The following EDNRA variants were observed in gnomAD, a reference collection of about 807,000 sequenced individuals.
EDNRA encodes endothelin-1 receptor.
Under a neutral mutation model 41.4 loss-of-function variants are expected in EDNRA, and 11 were observed. That is an observed-to-expected ratio of 0.27 (90% CI 0.17 to 0.44). EDNRA has a LOEUF of 0.44. Among genes scored for constraint, EDNRA ranks in the 20% least tolerant of loss-of-function variants. EDNRA has a pLI of 1.00. For synonymous variants in EDNRA, 172 were observed against 183.0 expected (o/e 0.94, Z 0.49); for missense variants, 294 against 531.0 (o/e 0.55, Z 4.39).
At chr4:147,488,720 T>G (rs1729028593) in intron 2 of EDNRA, 2 of 152,212 alleles carry the variant, frequency 1.3e-5, no homozygotes, top group Admixed American at 1.3e-4. Flanking sequence ...TGTCATCCTC[T>G]TCTCTAGGTC....
At chr4:147,505,455 C>T (rs973954792) in intron 2 of EDNRA, among the ~76,000 whole-genome samples, 2 of 148,592 alleles carry the variant, frequency 1.3e-5, no homozygotes, top group Non-Finnish European at 3.0e-5. Flanking sequence ...GTCTCTCCTG[C>T]CTCAGCCTCC....
chr4:147,500,929 G>A (rs1377275630), intron 2 of EDNRA, among the ~76,000 whole-genome samples: 1 of 152,134 alleles, frequency 6.6e-6, no homozygotes, highest in South Asian at 2.1e-4. Flanking sequence ...AAGAACCAGA[G>A]CATTGACCTA....
intron 2 of EDNRA, among the ~76,000 whole-genome samples, chr4:147,505,657 T>G (rs1401630937): frequency 2.7e-5 from 4 of 146,950 alleles, no homozygotes; most frequent in Non-Finnish European, 4.5e-5. Flanking sequence ...TTTTTTTTTT[T>G]TTTTTTTTTT....
At chr4:147,488,335 A>G (rs763384640) in intron 2 of EDNRA, 5 of 152,248 alleles carry the variant, frequency 3.3e-5, no homozygotes, top group African/African-American at 4.8e-5. Context: ...ATGTCTCCAG[A>G]TTTGGTAAAA....
At chr4:147,522,602 A>G (rs1200781147) in intron 3 of EDNRA, among the ~76,000 whole-genome samples, 2 of 152,122 alleles carry the variant, frequency 1.3e-5, no homozygotes, top group African/African-American at 2.4e-5. Flanking sequence ...TCTCCACTTT[A>G]CAGATAGGGA....
At chr4:147,499,448 C>T (rs1729431078) in intron 2 of EDNRA, among the ~76,000 whole-genome samples, 1 of 152,184 alleles carries the variant, frequency 6.6e-6, no homozygotes, top group Admixed American at 6.5e-5. Flanking sequence ...TAGGCTTATT[C>T]CTAAGCTGAC....
chr4:147,540,067 G>C (rs1677445325), intron 6 of EDNRA, 117 bp downstream of exon 6: 5 of 1,411,554 alleles, frequency 3.5e-6, no homozygotes, highest in Non-Finnish European at 3.8e-6. Flanking sequence ...AAACTGCAAA[G>C]TTGATTTTTT....
At chr4:147,531,962 A>G (rs1328455173) in intron 3 of EDNRA, among the ~76,000 whole-genome samples, 1 of 148,110 alleles carries the variant, frequency 6.8e-6, no homozygotes, top group Non-Finnish European at 1.5e-5. Flanking sequence ...GTGAGCTGAG[A>G]TCCTGCCGCT....
chr4:147,508,362 C>G (rs1279052326), intron 2 of EDNRA, among the ~76,000 whole-genome samples: 1 of 152,168 alleles, frequency 6.6e-6, no homozygotes, highest in Non-Finnish European at 1.5e-5. Context: ...TGGTCTCAAA[C>G]CCCTGACCTC....
chr4:147,527,041 G>A (rs1257227658), intron 3 of EDNRA, among the ~76,000 whole-genome samples: 1 of 152,186 alleles, frequency 6.6e-6, no homozygotes, highest in Admixed American at 6.5e-5. Context: ...AAATGATCAA[G>A]TTTGCTGTTA....
At chr4:147,490,403 A>T (rs1165735232) in intron 2 of EDNRA, 2 of 152,194 alleles carry the variant, frequency 1.3e-5, no homozygotes, top group Non-Finnish European at 2.9e-5. Context: ...GCAGTAGAAG[A>T]TTGACAAAAG....
intron 2 of EDNRA, among the ~76,000 whole-genome samples, chr4:147,505,215 AAGAGAGAG>A (rs60042535): frequency 5.2e-5 from 7 of 134,588 alleles, no homozygotes; most frequent in South Asian, 2.3e-4. Context: ...AAAAAAAAAA[AAGAGAGAG>A]AGAGAGAGAG....
intron 3 of EDNRA, among the ~76,000 whole-genome samples, chr4:147,526,569 A>C (rs1730556629): frequency 6.6e-6 from 1 of 152,212 alleles, no homozygotes; most frequent in Non-Finnish European, 1.5e-5. Context: ...CAATTGATCA[A>C]AGTAGTCACA....
At chr4:147,507,243 C>T (rs149119124) in intron 2 of EDNRA, among the ~76,000 whole-genome samples, 67 of 151,858 alleles carry the variant, frequency 4.4e-4, no homozygotes, top group Non-Finnish European at 6.8e-4. Flanking sequence ...TACATTAACA[C>T]TCACAGTAGT....
rs555517723 is a variant in EDNRA, at chr4:147,483,265, T to C, written c.-71+1889T>C. 1.4e-3 allele frequency among the ~76,000 whole-genome samples: 220 copies of C among 152,270 alleles called. 1 individual carries two copies. Among genetic ancestry groups the C allele is most frequent in the African/African-American group, 4.8e-3 (201 of 41,566 alleles). ...ATGGCCTGCCTCTAGCCTTGAAAAA[T>C]TGATATTTTTCCCATTTAATCAGAG... On this transcript the variant is annotated intron_variant, in intron 1 of 7. Transcript: ENST00000651419.
intron 2 of EDNRA, chr4:147,506,666 C>T (rs1457678282): frequency 1.2e-5 from 4 of 320,010 alleles, no homozygotes; most frequent in East Asian, 9.1e-5. Flanking sequence ...CCTGAGGGAA[C>T]TCTTAAATTG....
At position 147,544,854 on chromosome 4, in the gene EDNRA, T is replaced by A. The variant is rs189430075; in HGVS notation, c.*2236T>A. On this transcript the variant is annotated 3_prime_UTR_variant, in exon 8 of 8. Transcript: ENST00000651419. Reference sequence around the variant, plus strand: ...GAATATTTCCAATTTCTACCTTTACTACATCTTTTCAACAAGTAACTTTGT... The same window carrying A: ...GAATATTTCCAATTTCTACCTTTACAACATCTTTTCAACAAGTAACTTTGT... The A allele has an allele frequency of 1.3e-5, 2 of 152,790 alleles. No individual in the cohort carries two copies. The highest frequency in any genetic ancestry group is 1.3e-4 in the Admixed American group (2 of 15,300). The allele number at this position is 152,790 out of a possible 1,614,324, so 9.5% of individuals were successfully genotyped here.
intron 1 of EDNRA, among the ~76,000 whole-genome samples, chr4:147,483,948 T>C (rs1215912900): frequency 6.6e-6 from 1 of 152,114 alleles, no homozygotes; most frequent in Non-Finnish European, 1.5e-5. Flanking sequence ...TTCAAACTCC[T>C]GGGCTCAAGT....
At chr4:147,514,225 C>T (rs1431362977) in intron 2 of EDNRA, among the ~76,000 whole-genome samples, 1 of 152,142 alleles carries the variant, frequency 6.6e-6, no homozygotes, top group Non-Finnish European at 1.5e-5. Context: ...CTGGCTTACC[C>T]AAGGTCACAC....
Sources: allele counts gnomAD v4.1 joint callset (sites outside exome capture counted in the v4.1 genomes callset), GRCh38; gene constraint gnomAD v4.1.1; transcripts MANE v1.5; gene names NCBI Gene and HGNC (gene_info 2026-07-23, HGNC 2026-07-21).